Variants in ZFHX4 observed in about 807,000 individuals in gnomAD.
The protein encoded by ZFHX4 is zinc finger homeobox protein 4.
ZFHX4 carries 56 observed loss-of-function variants against 267.6 expected under a neutral mutation model. The ratio of observed to expected loss-of-function variants is 0.21; its 90% CI spans 0.17 to 0.26. The LOEUF is 0.26. Ranked by LOEUF, ZFHX4 falls within the 10% of genes least tolerant of loss-of-function variation. The pLI is 1.00. For synonymous variants in ZFHX4, 1,778 were observed against 1,665.6 expected, an observed-to-expected ratio of 1.07 and a Z score of -1.64; for missense variants, 4,332 against 4,420.0, an observed-to-expected ratio of 0.98 and a Z score of 0.56.
At chr8:76,859,724 A>G (rs1812819178) in intron 10 of ZFHX4, among the ~76,000 whole-genome samples, 1 of 152,086 alleles carries the variant, frequency 6.6e-6, no homozygotes, top group African/African-American at 2.4e-5. Flanking sequence ...TGTAGATAAG[A>G]GTAAGTCCTT....
At chr8:76,774,201 T>G (rs1477709227) in intron 3 of ZFHX4, among the ~76,000 whole-genome samples, 1 of 152,088 alleles carries the variant, frequency 6.6e-6, no homozygotes, top group Non-Finnish European at 1.5e-5. Context: ...GAAGTGGCAT[T>G]TATTTGGTGG....
intron 3 of ZFHX4, among the ~76,000 whole-genome samples, chr8:76,771,124 T>C (rs143145242): frequency 1.2e-4 from 18 of 152,228 alleles, no homozygotes; most frequent in African/African-American, 4.1e-4. Context: ...TATTGAAGAG[T>C]GTTAAGTAGA....
Position 76,854,545 on chromosome 8 carries a change from C to T in ZFHX4, c.7624C>T (p.Pro2542Ser). 6.2e-7 allele frequency: 1 copy of T among 1,613,756 alleles called. No individual in the cohort carries two copies. The highest frequency in any genetic ancestry group is 8.5e-7 in the Non-Finnish European group (1 of 1,179,824). ...PMDMPYMIFD[P>S]NNPLMTGQLL... ...GGACATGCCCTACATGATATTTGAC[C>T]CCAACAATCCGCTGATGACTGGACA... Residue 2542 changes from proline (P) to serine (S), a missense_variant, in exon 10 of 11, where the codon CCC (proline) becomes TCC (serine). Coordinates refer to ENST00000651372, the MANE Select transcript of ZFHX4 (RefSeq NM_024721.5).
chr8:76,814,155 T>G (rs186993016), intron 4 of ZFHX4, among the ~76,000 whole-genome samples: 1 of 152,252 alleles, frequency 6.6e-6, no homozygotes, highest in African/African-American at 2.4e-5. Flanking sequence ...CACTGCAGCC[T>G]TGAACTTCTG....
chr8:76,795,151 T>C (rs888159630), intron 4 of ZFHX4, among the ~76,000 whole-genome samples: 2 of 152,204 alleles, frequency 1.3e-5, no homozygotes, highest in African/African-American at 4.8e-5. Context: ...GAACAAATGA[T>C]TAAATAAAAA....
intron 3 of ZFHX4, among the ~76,000 whole-genome samples, chr8:76,739,837 C>G (rs144538798): frequency 1.8e-4 from 28 of 152,164 alleles, no homozygotes; most frequent in South Asian, 1.4e-3. Flanking sequence ...TAGGTCCCAG[C>G]CTTTGAGAAG....
At position 76,854,397 on chromosome 8, in the gene ZFHX4, A is replaced by C; in HGVS notation, c.7476A>C (p.Gln2492His). The C allele has an allele frequency of 6.2e-7, 1 of 1,613,988 alleles. No homozygotes were observed. The highest frequency in any genetic ancestry group is 8.5e-7 in the Non-Finnish European group (1 of 1,179,876). ...ACAGTCTACCTCCACAGTTACTACA[A>C]TACCAATGTGATCAGTGTACAGTTG... is the stretch of plus-strand genomic sequence containing the variant. Reference protein sequence around the residue: ...LQNSLPPQLLQYQCDQCTVAF... With the variant: ...LQNSLPPQLLHYQCDQCTVAF... The change falls in exon 10 of 11, where the codon CAA (glutamine) becomes CAC (histidine). Residue 2492 changes from glutamine (Q) to histidine (H), a missense_variant. Physicochemically the swap from Gln to His is conservative, Grantham distance 24. Around this residue, in one of 7 missense-constraint regions of ZFHX4, gnomAD observed 1,648 missense variants for 1,625.0 expected, o/e 1.01. Transcript: ENST00000651372.
intron 2 of ZFHX4, 62 bp downstream of exon 2, chr8:76,706,740 A>C: frequency 6.9e-7 from 1 of 1,449,990 alleles, no homozygotes; most frequent in Non-Finnish European, 9.1e-7. Flanking sequence ...ATTTGGCGTG[A>C]TGCACCCAGA....
At chr8:76,834,158 C>T in intron 5 of ZFHX4, 1 of 448,274 alleles carries the variant, frequency 2.2e-6, no homozygotes, top group Non-Finnish European at 4.5e-6. Flanking sequence ...TTGGTTGATT[C>T]CAAGTTTTGG....
At chr8:76,763,599 G>A (rs1196826760) in intron 3 of ZFHX4, among the ~76,000 whole-genome samples, 1 of 152,022 alleles carries the variant, frequency 6.6e-6, no homozygotes, top group Non-Finnish European at 1.5e-5. Flanking sequence ...CTCCAGCCTG[G>A]GTGACAGAGT....
chr8:76,715,390 G>A lies in ZFHX4; in HGVS notation c.3093+7342G>A, dbSNP rs1585875807. Among the ~76,000 whole-genome samples the A allele has an allele frequency of 3.4e-5, 5 of 148,966 alleles. No individual in the cohort carries two copies. In the Admixed American group the frequency reaches 3.4e-4, roughly 10 times the overall value. ...CCAGCTACTCGGGAGGCTGAGGCAG[G>A]AGAATTTCTTGAACCCAGGAGGTGG... On this transcript the variant is annotated intron_variant, in intron 3 of 10. Coordinates refer to ENST00000651372, the MANE Select transcript of ZFHX4 (RefSeq NM_024721.5).
At chr8:76,837,699 CA>C (rs1350960009) in intron 5 of ZFHX4, among the ~76,000 whole-genome samples, 9 of 152,036 alleles carry the variant, frequency 5.9e-5, no homozygotes, top group South Asian at 4.1e-4. Context: ...GCTTTTGGCA[CA>C]AAGATGGATA....
At chr8:76,764,535 G>A (rs141037373) in intron 3 of ZFHX4, among the ~76,000 whole-genome samples, 108 of 152,190 alleles carry the variant, frequency 7.1e-4, no homozygotes, top group African/African-American at 2.5e-3. Flanking sequence ...GAAAACAATG[G>A]TCTTGATAGA....
chr8:76,845,411 T>C (rs1253329329), intron 6 of ZFHX4, among the ~76,000 whole-genome samples: 1 of 152,048 alleles, frequency 6.6e-6, no homozygotes, highest in Non-Finnish European at 1.5e-5. Context: ...GGACCACTTT[T>C]TAATAAGGGA....
chr8:76,744,174 T>C (rs903099951), intron 3 of ZFHX4, among the ~76,000 whole-genome samples: 3 of 151,950 alleles, frequency 2.0e-5, no homozygotes, highest in Non-Finnish European at 4.4e-5. Flanking sequence ...GGCGAAACCC[T>C]GTCTCTACTA....
intron 4 of ZFHX4, among the ~76,000 whole-genome samples, chr8:76,797,285 T>G (rs1811003671): frequency 6.6e-6 from 1 of 152,218 alleles, no homozygotes; most frequent in South Asian, 2.1e-4. Flanking sequence ...TTCTTCAGAA[T>G]ATTATTGACC....
intron 3 of ZFHX4, among the ~76,000 whole-genome samples, chr8:76,747,922 GGCT>G (rs1395203614): frequency 6.7e-6 from 1 of 149,552 alleles, no homozygotes. Flanking sequence ...AACAGAGCGA[GGCT>G]CTATCTCAAA....
At chr8:76,747,864 G>A (rs540769943) in intron 3 of ZFHX4, among the ~76,000 whole-genome samples, 47 of 152,116 alleles carry the variant, frequency 3.1e-4, no homozygotes, top group Middle Eastern at 3.4e-3. Flanking sequence ...CCTGGGAGGC[G>A]GAGGTTGCAG....
intron 1 of ZFHX4, chr8:76,683,417 A>G (rs1807603245): frequency 7.1e-6 from 1 of 140,678 alleles, no homozygotes; most frequent in South Asian, 2.3e-4. Flanking sequence ...CCACACACAC[A>G]CCAAACAAAA....
Sources: gnomAD v4.1 joint callset for allele counts (sites outside exome capture counted in the v4.1 genomes callset) on GRCh38, gnomAD v4.1.1 for gene constraint, gnomAD v4.1.1 regional missense constraint, MANE v1.5 for transcripts, NCBI Gene and HGNC (gene_info 2026-07-23, HGNC 2026-07-21) for gene names.